The following PLPPR1 variants were observed in gnomAD, a reference collection of about 807,000 sequenced individuals.
The protein encoded by PLPPR1 is phospholipid phosphatase related 1.
A neutral mutation model predicts 33.1 loss-of-function variants in PLPPR1; 10 were observed. That is an observed-to-expected ratio of 0.30 (90% CI 0.19 to 0.51). The LOEUF (loss-of-function observed/expected upper bound fraction) is 0.51, where lower values mean the gene tolerates loss of function less well. Ranked by LOEUF, PLPPR1 falls within the 20% of genes least tolerant of loss-of-function variation. The pLI, the probability that PLPPR1 is intolerant of heterozygous loss-of-function variation, is 0.97. For missense variants in PLPPR1, 304 were observed against 408.1 expected, an observed-to-expected ratio of 0.74 and a Z score of 2.20; for synonymous variants, 151 against 151.0, an observed-to-expected ratio of 1.00 and a Z score of 0.00.
At position 101,312,897 on chromosome 9, in the gene PLPPR1, C is replaced by T. The variant is rs367663778; in HGVS notation, c.736C>T (p.Arg246Trp). ...CACAGCCTTCCTGACAGGCCTCAAC[C>T]GGGTCTCTGAGTATCGGAACCACTG... ...LCTAFLTGLN[R>W]VSEYRNHCSD... is the part of the protein sequence containing the mutation. The change falls in exon 6 of 8, where the codon CGG (arginine) becomes TGG (tryptophan). Residue 246 changes from arginine (R) to tryptophan (W), a missense_variant. Transcript: ENST00000374874. 1.2e-6 allele frequency: 2 copies of T among 1,614,148 alleles called. No individual in the cohort carries two copies. Among genetic ancestry groups the T allele is most frequent in the East Asian group, 2.2e-5 (1 of 44,864 alleles).
At chr9:101,257,903 A>G (rs1216693490) in intron 2 of PLPPR1, among the ~76,000 whole-genome samples, 1 of 152,084 alleles carries the variant, frequency 6.6e-6, no homozygotes. Flanking sequence ...TTACAACATC[A>G]TACATTAGGG....
intron 1 of PLPPR1, among the ~76,000 whole-genome samples, chr9:101,088,974 T>C (rs1048588384): frequency 1.3e-5 from 2 of 152,178 alleles, no homozygotes; most frequent in African/African-American, 4.8e-5. Context: ...GAAACAAATA[T>C]CTTGACACCT....
At chr9:101,219,370 T>C (rs753190691) in intron 2 of PLPPR1, among the ~76,000 whole-genome samples, 13 of 152,238 alleles carry the variant, frequency 8.5e-5, no homozygotes, top group Non-Finnish European at 1.3e-4. Context: ...GGAAGTATTC[T>C]GCAACTTCAT....
At chr9:101,175,049 C>T (rs768778644) in intron 1 of PLPPR1, among the ~76,000 whole-genome samples, 4 of 152,092 alleles carry the variant, frequency 2.6e-5, no homozygotes, top group Non-Finnish European at 5.9e-5. Context: ...ATACATTAGA[C>T]CTGGCATTGT....
chr9:101,254,631 C>T (rs1827767381), intron 2 of PLPPR1, among the ~76,000 whole-genome samples: 1 of 152,080 alleles, frequency 6.6e-6, no homozygotes. Context: ...CCAATAGTTG[C>T]TAATATCCAC....
At chr9:101,237,816 CATATAT>C (rs768518442) in intron 2 of PLPPR1, among the ~76,000 whole-genome samples, 3 of 72,228 alleles carry the variant, frequency 4.2e-5, no homozygotes, top group African/African-American at 2.8e-4. Context: ...CCATTGTGTG[CATATAT>C]ATATATATAT....
intron 2 of PLPPR1, among the ~76,000 whole-genome samples, chr9:101,215,726 G>C (rs1483980801): frequency 6.6e-6 from 1 of 151,902 alleles, no homozygotes. Context: ...TCACGTATGA[G>C]TGAGAACATG....
At chr9:101,171,220 G>T (rs1825937227) in intron 1 of PLPPR1, among the ~76,000 whole-genome samples, 2 of 152,122 alleles carry the variant, frequency 1.3e-5, no homozygotes, top group African/African-American at 4.8e-5. Context: ...TGAGGTATTT[G>T]TGATGCACCA....
intron 1 of PLPPR1, among the ~76,000 whole-genome samples, chr9:101,046,761 A>G (rs556455626): frequency 1.2e-4 from 19 of 152,278 alleles, no homozygotes; most frequent in African/African-American, 4.1e-4. Flanking sequence ...TTAGTGTTAC[A>G]AAACCCAGTA....
intron 1 of PLPPR1, among the ~76,000 whole-genome samples, chr9:101,049,170 T>G (rs945323644): frequency 6.6e-6 from 1 of 152,242 alleles, no homozygotes; most frequent in African/African-American, 2.4e-5. Context: ...ATAACAGTTT[T>G]GGGACTTAAT....
chr9:101,214,519 T>C (rs1001252617), intron 2 of PLPPR1, among the ~76,000 whole-genome samples: 11 of 152,246 alleles, frequency 7.2e-5, no homozygotes, highest in Non-Finnish European at 1.2e-4. Flanking sequence ...GCTTAAATTT[T>C]CATTCAGAAA....
At chr9:101,117,695 CAT>C (rs1564149511) in intron 1 of PLPPR1, among the ~76,000 whole-genome samples, 1 of 151,176 alleles carries the variant, frequency 6.6e-6, no homozygotes, top group Non-Finnish European at 1.5e-5. Flanking sequence ...TGAAATCACA[CAT>C]GTGAAAGAAA....
At chr9:101,273,953 GTCT>G (rs1828143044) in intron 3 of PLPPR1, among the ~76,000 whole-genome samples, 1 of 152,144 alleles carries the variant, frequency 6.6e-6, no homozygotes, top group Admixed American at 6.5e-5. Context: ...AAAGTGATAG[GTCT>G]TCTTTATTTT....
chr9:101,320,944 CT>C (rs1564038818), intron 7 of PLPPR1, among the ~76,000 whole-genome samples: 1 of 152,076 alleles, frequency 6.6e-6, no homozygotes, highest in Non-Finnish European at 1.5e-5. Flanking sequence ...AATGAAAATT[CT>C]TTTTTGAAAT....
chr9:101,262,206 T>C (rs971504001), intron 2 of PLPPR1, among the ~76,000 whole-genome samples: 2 of 152,206 alleles, frequency 1.3e-5, no homozygotes, highest in Admixed American at 1.3e-4. Context: ...TCATTTAATC[T>C]TCATGATAAT....
rs76907484 is a variant in PLPPR1 at position 101,259,638 on chromosome 9, A to T, written c.64-10242A>T. Among the ~76,000 whole-genome samples the T allele has an allele frequency of 7.0e-3, 1,068 of 152,296 alleles. 12 individuals carry two copies. The highest frequency in any genetic ancestry group is 0.024 in the African/African-American group (1,012 of 41,552). On this transcript the variant is annotated intron_variant, in intron 2 of 7. Coordinates refer to ENST00000374874, the MANE Select transcript of PLPPR1 (RefSeq NM_207299.2). The stretch of plus-strand genomic sequence containing the variant: ...GGTTAAAGAGACATGCCTATGATAT[A>T]GCCTGAGGAGGTCCTGATGACATGT...
intron 1 of PLPPR1, among the ~76,000 whole-genome samples, chr9:101,080,602 C>G (rs545207926): frequency 6.6e-6 from 1 of 152,286 alleles, no homozygotes; most frequent in African/African-American, 2.4e-5. Context: ...AACAAAAATA[C>G]TGATATCAAT....
chr9:101,242,420 T>C (rs1474196229), intron 2 of PLPPR1, among the ~76,000 whole-genome samples: 1 of 152,044 alleles, frequency 6.6e-6, no homozygotes, highest in Non-Finnish European at 1.5e-5. Flanking sequence ...TTGTGTTTTA[T>C]TAGAATAAGA....
chr9:101,248,781 T>C (rs1201060328), intron 2 of PLPPR1, among the ~76,000 whole-genome samples: 2 of 152,084 alleles, frequency 1.3e-5, no homozygotes, highest in Non-Finnish European at 2.9e-5. Flanking sequence ...ATCTGCTGTG[T>C]GTCTGCTTCT....
Sources: allele counts gnomAD v4.1 joint callset (sites outside exome capture counted in the v4.1 genomes callset), GRCh38; gene constraint gnomAD v4.1.1; transcripts MANE v1.5; gene names NCBI Gene and HGNC (gene_info 2026-07-23, HGNC 2026-07-21).